The following EPG5 variants were observed in gnomAD, a reference collection of about 807,000 sequenced individuals.
The protein encoded by EPG5 is ectopic P granules protein 5 homolog.
A neutral mutation model predicts 302.7 loss-of-function variants in EPG5; 159 were observed. The observed-to-expected ratio is 0.53, with a 90% confidence interval of 0.46 to 0.60. The LOEUF is 0.60. Ranked by LOEUF, EPG5 falls within the 20% of genes least tolerant of loss-of-function variation. EPG5 has a pLI of 0.00. For missense variants in EPG5, 2,896 were observed against 3,092.4 expected, an observed-to-expected ratio of 0.94 and a Z score of 1.51; for synonymous variants, 1,158 against 1,136.8, an observed-to-expected ratio of 1.02 and a Z score of -0.37.
intron 11 of EPG5, among the ~76,000 whole-genome samples, chr18:45,934,543 A>G (rs987277798): frequency 3.3e-5 from 5 of 152,228 alleles, no homozygotes; most frequent in Non-Finnish European, 4.4e-5. Flanking sequence ...TTTCACACAC[A>G]CATGCAAAAA....
chr18:45,829,084 C>T, the EPG5 span: 1 of 985,828 alleles, frequency 1.0e-6, no homozygotes, highest in Non-Finnish European at 1.2e-6. Flanking sequence ...GGGGCACCAG[C>T]AGAGACAGGC....
chr18:45,881,575 G>A (rs191100197), intron 31 of EPG5, among the ~76,000 whole-genome samples: 24 of 152,208 alleles, frequency 1.6e-4, no homozygotes, highest in Middle Eastern at 3.4e-3. Context: ...TCTATAAACC[G>A]TATGAAGTTT....
Position 45,916,601 on chromosome 18 carries a change from G to T in EPG5, c.3240-19C>A. ...TAAAAACCTGCCAAGCACACAGGAG[G>T]ACGCACTTTACCTTCCGATCAGAAC... On this transcript the variant is annotated intron_variant, in intron 17 of 43. Coordinates refer to ENST00000282041, the MANE Select transcript of EPG5 (RefSeq NM_020964.3). 6.3e-7 allele frequency: 1 copy of T among 1,580,806 alleles called. No individual in the cohort carries two copies. The highest frequency in any genetic ancestry group is 8.7e-7 in the Non-Finnish European group (1 of 1,154,376).
At chr18:45,949,370 T>C in intron 5 of EPG5, 114 bp downstream of exon 5, 1 of 611,282 alleles carries the variant, frequency 1.6e-6, no homozygotes, top group Non-Finnish European at 2.8e-6. Flanking sequence ...AGAATTTTAT[T>C]TTAAATATTA....
At chr18:45,916,648 A>C in intron 17 of EPG5, 66 bp from the exon 18 acceptor site, 2 of 1,461,826 alleles carry the variant, frequency 1.4e-6, no homozygotes, top group Non-Finnish European at 1.8e-6. Context: ...TTCCCTAATT[A>C]CTTATGAGGA....
intron 12 of EPG5, among the ~76,000 whole-genome samples, chr18:45,930,174 C>G (rs988541854): frequency 6.6e-6 from 1 of 152,142 alleles, no homozygotes; most frequent in African/African-American, 2.4e-5. Context: ...CTCCTCCCAG[C>G]CTGTAATTTC....
At chr18:45,920,597 C>A (rs1055929504) in intron 16 of EPG5, among the ~76,000 whole-genome samples, 2 of 152,196 alleles carry the variant, frequency 1.3e-5, no homozygotes, top group Non-Finnish European at 2.9e-5. Flanking sequence ...GTTCAGAGAT[C>A]ACATGGTGAG....
At chr18:45,877,125 G>A (rs1316158828) in intron 34 of EPG5, among the ~76,000 whole-genome samples, 7 of 152,216 alleles carry the variant, frequency 4.6e-5, no homozygotes, top group South Asian at 4.1e-4. Flanking sequence ...GGCTGGGCAC[G>A]GGAGCTCATG....
At chr18:45,919,703 G>A (rs1274165037) in intron 16 of EPG5, among the ~76,000 whole-genome samples, 26 of 151,954 alleles carry the variant, frequency 1.7e-4, no homozygotes, top group Non-Finnish European at 2.9e-4. Flanking sequence ...TAGTAGAGAC[G>A]GGGTTTCACC....
intron 31 of EPG5, among the ~76,000 whole-genome samples, chr18:45,881,843 A>C (rs2049105771): frequency 6.6e-6 from 1 of 152,248 alleles, no homozygotes; most frequent in Admixed American, 6.5e-5. Flanking sequence ...TAAAAGACTT[A>C]GAAAGGAAAA....
At chr18:45,906,477 G>A (rs2049754553) in intron 24 of EPG5, among the ~76,000 whole-genome samples, 1 of 151,808 alleles carries the variant, frequency 6.6e-6, no homozygotes, top group South Asian at 2.1e-4. Flanking sequence ...GCACATACTG[G>A]TCTTTCTGCC....
At chr18:45,838,640 C>A in the EPG5 span, 1 of 1,446,240 alleles carries the variant, frequency 6.9e-7, no homozygotes, top group South Asian at 1.4e-5. Flanking sequence ...TGACCAGCCC[C>A]CACCCCTCCG....
intron 31 of EPG5, 80 bp from the exon 32 acceptor site, chr18:45,880,303 C>T: frequency 7.8e-7 from 1 of 1,289,002 alleles, no homozygotes; most frequent in Non-Finnish European, 1.0e-6. Flanking sequence ...ATATGAGCAC[C>T]TTATAAAGGA....
intron 36 of EPG5, chr18:45,868,005 C>T (rs1315248094): frequency 1.9e-6 from 1 of 539,946 alleles, no homozygotes; most frequent in Non-Finnish European, 3.5e-6. Context: ...GAGGAATGAC[C>T]TTCCCTAACC....
At chr18:45,842,255 G>T in the EPG5 span, 1 of 1,560,924 alleles carries the variant, frequency 6.4e-7, no homozygotes, top group South Asian at 1.1e-5. Flanking sequence ...AGGCTTGGCT[G>T]GCACAGCCAG....
In EPG5 at chr18:45,916,170, C is replaced by A; in HGVS notation, c.3421G>T (p.Gly1141Cys). The A allele has an allele frequency of 6.2e-7, 1 of 1,613,904 alleles. No homozygotes were observed. Among genetic ancestry groups the A allele is most frequent in the Non-Finnish European group, 8.5e-7 (1 of 1,179,892 alleles). The change falls in exon 19 of 44, where the codon GGC (glycine) becomes TGC (cysteine). Residue 1141 changes from glycine (G) to cysteine (C), a missense_variant. Coordinates refer to ENST00000282041, the MANE Select transcript of EPG5 (RefSeq NM_020964.3). ...CAGAACTCCAACACAGCAACGGGGC[C>A]CACTTCATTGGGCTGAGTGCTTACA... ...ISVSTQPNEVGPVAVLEFWVQ... is the reference protein window; with the variant it reads ...ISVSTQPNEVCPVAVLEFWVQ...
At chr18:45,868,333 T>C (rs2048791125) in intron 36 of EPG5, among the ~76,000 whole-genome samples, 1 of 149,924 alleles carries the variant, frequency 6.7e-6, no homozygotes, top group Non-Finnish European at 1.5e-5. Context: ...GCCTTTTTCC[T>C]TTTTCCTTTT....
the EPG5 span, among the ~76,000 whole-genome samples, chr18:45,833,857 C>T: frequency 6.6e-6 from 1 of 152,042 alleles, no homozygotes; most frequent in South Asian, 2.1e-4. Context: ...TAATGAAGCA[C>T]ATGACATGCT....
intron 1 of EPG5, among the ~76,000 whole-genome samples, chr18:45,961,980 C>T (rs1192910813): frequency 6.6e-6 from 1 of 151,274 alleles, no homozygotes; most frequent in African/African-American, 2.4e-5. Flanking sequence ...ATATTTTCTT[C>T]TTCATGGGTT....
Sources: allele counts gnomAD v4.1 joint callset (sites outside exome capture counted in the v4.1 genomes callset), GRCh38; gene constraint gnomAD v4.1.1; transcripts MANE v1.5; gene names NCBI Gene and HGNC (gene_info 2026-07-23, HGNC 2026-07-21).